Variants in FAM193A observed in about 807,000 individuals in gnomAD.
The protein encoded by FAM193A is family with sequence similarity 193 member A, also known as protein FAM193A.
FAM193A carries 22 observed loss-of-function variants against 126.5 expected under a neutral mutation model. The ratio of observed to expected loss-of-function variants is 0.17; its 90% CI spans 0.12 to 0.25. The LOEUF (loss-of-function observed/expected upper bound fraction) is 0.25. FAM193A is among the 10% of genes least tolerant of loss of function. The pLI, the probability that FAM193A is intolerant of heterozygous loss-of-function variation, is 1.00. For missense variants in FAM193A, 1,675 were observed against 1,672.8 expected, an observed-to-expected ratio of 1.00 and a Z score of -0.02; for synonymous variants, 761 against 646.8, an observed-to-expected ratio of 1.18 and a Z score of -2.68.
chr4:2,609,745 C>T (rs1012033328), intron 2 of FAM193A, among the ~76,000 whole-genome samples: 1 of 151,774 alleles, frequency 6.6e-6, no homozygotes. Flanking sequence ...CTGGCTAACA[C>T]GGTGAAACCC....
chr4:2,677,676 G>C (rs1057108432), intron 13 of FAM193A, among the ~76,000 whole-genome samples: 2 of 150,368 alleles, frequency 1.3e-5, no homozygotes, highest in Admixed American at 6.6e-5. Flanking sequence ...GGGAGGCGGA[G>C]ATTGCAGTGA....
intron 8 of FAM193A, among the ~76,000 whole-genome samples, chr4:2,659,055 C>T (rs930818153): frequency 2.0e-5 from 3 of 152,150 alleles, no homozygotes; most frequent in Non-Finnish European, 2.9e-5. Context: ...CCGGCCATCC[C>T]GTCCTTTTGA....
At chr4:2,566,009 C>G (rs1264485068) in intron 1 of FAM193A, among the ~76,000 whole-genome samples, 2 of 151,954 alleles carry the variant, frequency 1.3e-5, no homozygotes, top group Non-Finnish European at 2.9e-5. Context: ...TAATCTGTCC[C>G]CTCAAGGTAA....
intron 1 of FAM193A, among the ~76,000 whole-genome samples, chr4:2,581,077 T>C (rs1429612579): frequency 3.3e-5 from 5 of 151,136 alleles, no homozygotes; most frequent in East Asian, 2.0e-4. Context: ...TGCAGTGAGC[T>C]GAGATTGCGC....
intron 13 of FAM193A, among the ~76,000 whole-genome samples, chr4:2,680,242 G>T (rs974071599): frequency 6.6e-6 from 1 of 152,134 alleles, no homozygotes; most frequent in Non-Finnish European, 1.5e-5. Flanking sequence ...TTATGATTTC[G>T]TCTTGATAGG....
intron 13 of FAM193A, among the ~76,000 whole-genome samples, chr4:2,678,287 T>A (rs1447832932): frequency 1.3e-5 from 2 of 151,040 alleles, no homozygotes; most frequent in African/African-American, 2.4e-5. Context: ...CCTGGCCTGT[T>A]TTGTAGTTTT....
chr4:2,554,468 T>C (rs1340771492), intron 1 of FAM193A, among the ~76,000 whole-genome samples: 1 of 152,198 alleles, frequency 6.6e-6, no homozygotes, highest in African/African-American at 2.4e-5. Context: ...TTTTAAGTTT[T>C]TCAAAAAATT....
At chr4:2,696,199 C>T (rs1035400914) in intron 17 of FAM193A, 164 bp from the exon 18 acceptor site, 2 of 574,208 alleles carry the variant, frequency 3.5e-6, no homozygotes, top group Admixed American at 3.4e-5. Context: ...GGGTGACTTG[C>T]TGATAGGTTT....
chr4:2,659,765 G>C, intron 9 of FAM193A, 47 bp from the exon 10 acceptor site: 2 of 1,614,042 alleles, frequency 1.2e-6, no homozygotes, highest in Non-Finnish European at 1.7e-6. Context: ...GCATGGTCTA[G>C]TCTTGTGCAT....
Position 2,662,932 on chromosome 4 carries a change from A to G in FAM193A, c.1840A>G (p.Met614Val), listed in dbSNP as rs770343226. ...NYDDTEVVAN[M>V]NGIHSELNGG... ...TGATGATACCGAGGTGGTGGCCAAC[A>G]TGAATGGAATCCACAGCGAATTGAA... The change falls in exon 11 of 21, where the codon ATG (methionine) becomes GTG (valine). Residue 614 changes from methionine (M) to valine (V), a missense_variant. Physicochemically the swap from Met to Val is conservative, Grantham distance 21 (BLOSUM62 1). This residue lies in a region of FAM193A where 1,186 missense variants were observed against 1,109.2 expected (regional missense o/e 1.07). Transcript: ENST00000637812. 23 of 1,613,772 alleles carry G rather than the reference A, an allele frequency of 1.4e-5. No homozygotes were observed. The highest frequency in any genetic ancestry group is 1.3e-5 in the African/African-American group (1 of 74,926).
At chr4:2,566,270 A>T (rs1738942880) in intron 1 of FAM193A, among the ~76,000 whole-genome samples, 1 of 152,108 alleles carries the variant, frequency 6.6e-6, no homozygotes, top group Non-Finnish European at 1.5e-5. Flanking sequence ...CATGGTCTCG[A>T]TCTTCTGACC....
chr4:2,667,039 A>T (rs1466466153), intron 12 of FAM193A, among the ~76,000 whole-genome samples: 1 of 152,176 alleles, frequency 6.6e-6, no homozygotes, highest in East Asian at 1.9e-4. Flanking sequence ...TAGATGACTG[A>T]TTTTAGAGCT....
chr4:2,616,664 A>G (rs1386849658), intron 2 of FAM193A, among the ~76,000 whole-genome samples: 4 of 151,758 alleles, frequency 2.6e-5, no homozygotes, highest in Admixed American at 1.3e-4. Flanking sequence ...GGTTCACGCC[A>G]TTCTCCCACC....
At chr4:2,715,172 A>G (rs989700067) in intron 19 of FAM193A, 1 of 152,216 alleles carries the variant, frequency 6.6e-6, no homozygotes, top group East Asian at 1.9e-4. Context: ...GAACAACTTG[A>G]AAGTGTTTGG....
rs533713695 is a variant in FAM193A at position 2,678,604 on chromosome 4, C to G, written c.2331+6232C>G. Among the ~76,000 whole-genome samples, 94 of 152,152 alleles carry G rather than the reference C, an allele frequency of 6.2e-4. No individual in the cohort carries two copies. In the South Asian group the frequency reaches 6.2e-3, roughly 10 times the overall value. ...TCTCGAACTCCTGACCTCAAGTGAT[C>G]CGCCCGCCTCGGCTTCCCAAAGTGC... On this transcript the variant is annotated intron_variant, in intron 13 of 20. Coordinates refer to ENST00000637812, the MANE Select transcript of FAM193A (RefSeq NM_001366318.2).
intron 1 of FAM193A, among the ~76,000 whole-genome samples, chr4:2,544,912 A>G (rs1017945129): frequency 6.6e-6 from 1 of 151,346 alleles, no homozygotes; most frequent in Non-Finnish European, 1.5e-5. Flanking sequence ...AATTTTCCGG[A>G]TGTTCCCTCA....
chr4:2,615,505 G>A (rs768253547), intron 2 of FAM193A, among the ~76,000 whole-genome samples: 5 of 151,914 alleles, frequency 3.3e-5, no homozygotes, highest in African/African-American at 4.8e-5. Context: ...TCAGAAGTAT[G>A]TTTTTATTTT....
At chr4:2,657,714 A>C (rs1389431469) in intron 7 of FAM193A, 89 bp from the exon 8 acceptor site, 1 of 790,922 alleles carries the variant, frequency 1.3e-6, no homozygotes, top group African/African-American at 1.7e-5. Flanking sequence ...ATATCATTTT[A>C]AGAAAGTCTC....
At position 2,732,139 on chromosome 4, in the gene FAM193A, C is replaced by T. The variant is rs1022090063; in HGVS notation, c.*271C>T. On this transcript the variant is annotated 3_prime_UTR_variant, in exon 21 of 21. Transcript: ENST00000637812. The stretch of plus-strand genomic sequence containing the variant: ...CCAAGTCCTCCCACCACCGCGGCCT[C>T]GGAGGCCTGGGCCGTGGCCAGATAG... 27 of 485,918 alleles carry T rather than the reference C, an allele frequency of 5.6e-5. No homozygotes were observed. Among genetic ancestry groups the T allele is most frequent in the Admixed American group, 2.4e-4 (7 of 29,434 alleles). 30.1% of individuals were successfully genotyped at this position (485,918 alleles called of 1,614,324 possible). A position where few individuals can be genotyped will look rare whatever the true frequency, so the allele number is the denominator to read the frequency against.
Sources: allele counts gnomAD v4.1 joint callset (sites outside exome capture counted in the v4.1 genomes callset), GRCh38; gene constraint gnomAD v4.1.1; regional missense constraint gnomAD v4.1.1; transcripts MANE v1.5; gene names NCBI Gene and HGNC (gene_info 2026-07-23, HGNC 2026-07-21).